NCOA2: variants seen among roughly 807,000 people sequenced by gnomAD.
The protein encoded by NCOA2 is class E basic helix-loop-helix protein 75.
NCOA2 carries 21 observed loss-of-function variants against 145.1 expected under a neutral mutation model. That is an observed-to-expected ratio of 0.14 (90% CI 0.10 to 0.21). NCOA2 has a LOEUF of 0.21. Ranked by LOEUF, NCOA2 falls within the 10% of genes least tolerant of loss-of-function variation. NCOA2 has a pLI of 1.00. For synonymous variants in NCOA2, 619 were observed against 637.5 expected (o/e 0.97, Z 0.44); for missense variants, 1,472 against 1,837.6 (o/e 0.80, Z 3.64).
chr8:70,208,099 T>A (rs1818650432), intron 4 of NCOA2, among the ~76,000 whole-genome samples: 1 of 151,378 alleles, frequency 6.6e-6, no homozygotes, highest in Non-Finnish European at 1.5e-5. Context: ...AATAAAAAAA[T>A]AAAATAAAAT....
intron 1 of NCOA2, chr8:70,402,135 C>G (rs1814321205): frequency 6.6e-6 from 1 of 152,572 alleles, no homozygotes; most frequent in South Asian, 2.1e-4. Flanking sequence ...CGCCCCCTTC[C>G]TTCCTCCGGT....
the NCOA2 span, among the ~76,000 whole-genome samples, chr8:70,427,643 A>T: frequency 1.6e-4 from 25 of 152,338 alleles, 1 homozygote; most frequent in Admixed American, 1.2e-3. Context: ...GTGATTTCCC[A>T]CAATTTGTAC....
At chr8:70,387,919 A>G (rs1382799741) in intron 1 of NCOA2, among the ~76,000 whole-genome samples, 2 of 152,224 alleles carry the variant, frequency 1.3e-5, no homozygotes, top group Non-Finnish European at 2.9e-5. Context: ...AACAGCCAGT[A>G]GGAAAGGCCA....
chr8:70,249,726 G>A (rs573649910), intron 2 of NCOA2, among the ~76,000 whole-genome samples: 1 of 152,136 alleles, frequency 6.6e-6, no homozygotes, highest in Admixed American at 6.5e-5. Flanking sequence ...ACTTTGGGAG[G>A]CCGAGGCGGG....
intron 12 of NCOA2, among the ~76,000 whole-genome samples, chr8:70,146,295 T>A (rs1811056928): frequency 6.6e-6 from 1 of 152,206 alleles, no homozygotes; most frequent in Non-Finnish European, 1.5e-5. Context: ...TTATAGCTAG[T>A]TGACAAGAAT....
chr8:70,391,620 G>GA (rs1261978539), intron 1 of NCOA2, among the ~76,000 whole-genome samples: 6 of 152,326 alleles, frequency 3.9e-5, no homozygotes, highest in African/African-American at 1.2e-4. Flanking sequence ...CAGTTCTGGA[G>GA]AAACTGAAGT....
At chr8:70,189,691 A>G (rs1357484865) in intron 4 of NCOA2, among the ~76,000 whole-genome samples, 2 of 152,212 alleles carry the variant, frequency 1.3e-5, no homozygotes, top group Non-Finnish European at 2.9e-5. Flanking sequence ...TGGAAATGCA[A>G]AGATGAAAAA....
chr8:70,419,395 T>C, the NCOA2 span, among the ~76,000 whole-genome samples: 2 of 152,192 alleles, frequency 1.3e-5, no homozygotes, highest in Non-Finnish European at 2.9e-5. Flanking sequence ...TATGCTATTA[T>C]GCATAATCTG....
intron 1 of NCOA2, among the ~76,000 whole-genome samples, chr8:70,307,571 CTT>C (rs1364088076): frequency 6.6e-6 from 1 of 152,182 alleles, no homozygotes; most frequent in Non-Finnish European, 1.5e-5. Flanking sequence ...TAACTGATAA[CTT>C]ATTGCCATTT....
chr8:70,170,491 A>G, intron 5 of NCOA2, 112 bp from the exon 6 acceptor site: 1 of 899,894 alleles, frequency 1.1e-6, no homozygotes, highest in Non-Finnish European at 1.6e-6. Context: ...ACAGATAGAA[A>G]AGAGATCTTT....
At chr8:70,336,200 G>A (rs1349407489) in intron 1 of NCOA2, among the ~76,000 whole-genome samples, 1 of 152,004 alleles carries the variant, frequency 6.6e-6, no homozygotes, top group African/African-American at 2.4e-5. Context: ...GTAATGCACT[G>A]GGCTAAGACA....
At chr8:70,403,164 C>T (rs1333752718) in intron 1 of NCOA2, among the ~76,000 whole-genome samples, 1 of 151,260 alleles carries the variant, frequency 6.6e-6, no homozygotes, top group African/African-American at 2.4e-5. Flanking sequence ...CCGCTCCGCG[C>T]TTCCATTAAA....
At chr8:70,192,321 A>G (rs1816781981) in intron 4 of NCOA2, among the ~76,000 whole-genome samples, 1 of 151,568 alleles carries the variant, frequency 6.6e-6, no homozygotes, top group African/African-American at 2.4e-5. Context: ...AGCGGACCAG[A>G]GGAGGGGAAA....
intron 2 of NCOA2, among the ~76,000 whole-genome samples, chr8:70,244,834 G>C (rs1379369458): frequency 6.6e-6 from 1 of 151,960 alleles, no homozygotes; most frequent in Non-Finnish European, 1.5e-5. Context: ...AAGAAATAAG[G>C]ACCACGGAAT....
intron 12 of NCOA2, 117 bp from the exon 13 acceptor site, chr8:70,144,965 A>G: frequency 1.2e-6 from 1 of 852,920 alleles, no homozygotes; most frequent in South Asian, 1.7e-5. Flanking sequence ...TCAGGGACCA[A>G]CTACCTAGAT....
chr8:70,417,245 T>TA, the NCOA2 span, among the ~76,000 whole-genome samples: 384 of 77,982 alleles, frequency 4.9e-3, 8 homozygotes, highest in East Asian at 0.038. Context: ...TCGTCTCTAT[T>TA]AAAAAAAAAA....
At chr8:70,269,289 C>A (rs1333330007) in intron 2 of NCOA2, among the ~76,000 whole-genome samples, 2 of 152,000 alleles carry the variant, frequency 1.3e-5, no homozygotes, top group Non-Finnish European at 2.9e-5. Context: ...CTTCTTGTGA[C>A]AACTGCAAGC....
At chr8:70,322,733 A>G (rs1329577043) in intron 1 of NCOA2, among the ~76,000 whole-genome samples, 1 of 152,176 alleles carries the variant, frequency 6.6e-6, no homozygotes, top group Non-Finnish European at 1.5e-5. Context: ...AGAACAATAT[A>G]TTGTATGTAA....
the NCOA2 span, among the ~76,000 whole-genome samples, chr8:70,433,776 G>A: frequency 1.3e-5 from 2 of 152,142 alleles, no homozygotes; most frequent in South Asian, 4.2e-4. Context: ...ATGCTTCCAG[G>A]TTTCTGGCTT....
Sources: allele counts gnomAD v4.1 joint callset (sites outside exome capture counted in the v4.1 genomes callset), GRCh38; gene constraint gnomAD v4.1.1; transcripts MANE v1.5; gene names NCBI Gene and HGNC (gene_info 2026-07-23, HGNC 2026-07-21).